The following DPP6 variants were observed in gnomAD, a reference collection of about 807,000 sequenced individuals.
The protein encoded by DPP6 is A-type potassium channel modulatory protein DPP6.
Under a neutral mutation model 122.6 loss-of-function variants are expected in DPP6, and 69 were observed. The ratio of observed to expected loss-of-function variants is 0.56; its 90% CI spans 0.46 to 0.69. The LOEUF (loss-of-function observed/expected upper bound fraction) is 0.69. Ranked by LOEUF, DPP6 falls within the 30% of genes least tolerant of loss-of-function variation. DPP6 has a pLI of 0.00. For missense variants in DPP6, 928 were observed against 1,116.9 expected (o/e 0.83, Z 2.41); for synonymous variants, 418 against 433.1 (o/e 0.97, Z 0.43).
chr7:154,163,890 G>A (rs1797103312), intron 1 of DPP6, among the ~76,000 whole-genome samples: 1 of 152,134 alleles, frequency 6.6e-6, no homozygotes, highest in Non-Finnish European at 1.5e-5. Context: ...CCTTCTTCCT[G>A]CCAGCTGTCC....
chr7:153,871,819 C>T, the DPP6 span, among the ~76,000 whole-genome samples: 1 of 152,162 alleles, frequency 6.6e-6, no homozygotes. Flanking sequence ...GTATTTTAGA[C>T]AGTTTAGAGA....
intron 5 of DPP6, among the ~76,000 whole-genome samples, chr7:154,568,564 T>C (rs1289439673): frequency 1.3e-5 from 2 of 152,194 alleles, no homozygotes; most frequent in Non-Finnish European, 2.9e-5. Flanking sequence ...GTTCTGTGCA[T>C]GATACAATTC....
At chr7:154,421,839 G>A (rs12333883) in intron 1 of DPP6, among the ~76,000 whole-genome samples, 6,964 of 152,266 alleles carry the variant, frequency 0.046, 532 homozygotes, top group African/African-American at 0.16. Flanking sequence ...CATGTGCCTG[G>A]TTTATTACAG....
chr7:153,825,053 T>A, the DPP6 span, among the ~76,000 whole-genome samples: 1 of 152,226 alleles, frequency 6.6e-6, no homozygotes, highest in Non-Finnish European at 1.5e-5. Context: ...CTGAGTAGCT[T>A]CGTTAGGCTT....
At chr7:153,825,705 G>GCA in the DPP6 span, among the ~76,000 whole-genome samples, 7 of 152,226 alleles carry the variant, frequency 4.6e-5, no homozygotes, top group Middle Eastern at 3.4e-3. Flanking sequence ...GATTACAAGT[G>GCA]CACACCACAA....
At chr7:154,634,820 G>T (rs1835640248) in intron 5 of DPP6, among the ~76,000 whole-genome samples, 1 of 152,092 alleles carries the variant, frequency 6.6e-6, no homozygotes, top group African/African-American at 2.4e-5. Context: ...AATTGCAGGG[G>T]TGTGTAGTGG....
intron 22 of DPP6, among the ~76,000 whole-genome samples, 198 bp from the exon 23 acceptor site, chr7:154,887,478 C>A (rs1219927989): frequency 6.6e-6 from 1 of 152,148 alleles, no homozygotes; most frequent in Non-Finnish European, 1.5e-5. Context: ...CCCGTTGTAC[C>A]GCCTGATGCC....
At chr7:154,103,887 C>T (rs910201137) in intron 1 of DPP6, among the ~76,000 whole-genome samples, 5 of 152,182 alleles carry the variant, frequency 3.3e-5, no homozygotes, top group Non-Finnish European at 7.3e-5. Flanking sequence ...AGCCTCTGGC[C>T]ACAGTCTGAA....
At chr7:154,745,107 C>T (rs1213497492) in intron 8 of DPP6, among the ~76,000 whole-genome samples, 1 of 152,212 alleles carries the variant, frequency 6.6e-6, no homozygotes, top group Non-Finnish European at 1.5e-5. Context: ...CAGTCTTGTT[C>T]TCTGGTCTGC....
intron 5 of DPP6, among the ~76,000 whole-genome samples, chr7:154,611,195 G>A (rs1833890353): frequency 6.6e-6 from 1 of 152,198 alleles, no homozygotes; most frequent in African/African-American, 2.4e-5. Context: ...ACAATGAACA[G>A]TTCTACCCTC....
At position 154,053,082 on chromosome 7, in the gene DPP6, CG is replaced by C. The variant is rs762366126; in HGVS notation, c.243+25del. ...GGAGGACGTAAGAGCTTCTCGGGGG[CG>C]GGGGGCGGCGGCGGGTTCTCCGGGC... On this transcript the variant is annotated intron_variant, in intron 1 of 25. Coordinates refer to ENST00000377770, the MANE Select transcript of DPP6 (RefSeq NM_130797.4). The C allele has an allele frequency of 8.7e-6, 9 of 1,034,216 alleles. No individual in the cohort carries two copies. Among genetic ancestry groups the C allele is most frequent in the Admixed American group, 5.8e-5 (1 of 17,208 alleles). The allele number at this position is 1,034,216 out of a possible 1,614,324, so 64.1% of individuals were successfully genotyped here.
chr7:154,358,688 T>C (rs890360777), intron 1 of DPP6, among the ~76,000 whole-genome samples: 1 of 152,124 alleles, frequency 6.6e-6, no homozygotes, highest in Non-Finnish European at 1.5e-5. Context: ...AATATTGATT[T>C]TACAGTTCAA....
At chr7:154,431,442 CTTT>C (rs1818363266) in intron 1 of DPP6, among the ~76,000 whole-genome samples, 2 of 121,746 alleles carry the variant, frequency 1.6e-5, no homozygotes, top group African/African-American at 5.8e-5. Context: ...TTTTTCTTTC[CTTT>C]CTTTTCTTTT....
chr7:154,377,816 G>T (rs961032667), intron 1 of DPP6, among the ~76,000 whole-genome samples: 3 of 152,156 alleles, frequency 2.0e-5, no homozygotes, highest in Admixed American at 1.3e-4. Context: ...AAAATGGGCT[G>T]ATACAATCAC....
chr7:154,426,630 A>G (rs902060030), intron 1 of DPP6, among the ~76,000 whole-genome samples: 4 of 152,124 alleles, frequency 2.6e-5, no homozygotes, highest in African/African-American at 9.7e-5. Context: ...TCGGTGAGAC[A>G]TAGCCTTAAT....
intron 1 of DPP6, among the ~76,000 whole-genome samples, chr7:154,265,202 G>A (rs1803341395): frequency 6.6e-6 from 1 of 151,966 alleles, no homozygotes; most frequent in African/African-American, 2.4e-5. Context: ...AGTGATGATG[G>A]TGTTAATGGT....
At chr7:154,290,591 G>A (rs58695750) in intron 1 of DPP6, among the ~76,000 whole-genome samples, 2,236 of 150,390 alleles carry the variant, frequency 0.015, 45 homozygotes, top group African/African-American at 0.052. Context: ...GCAGTGAGCC[G>A]AGATTGCACC....
chr7:153,882,403 T>C (rs1798780863), upstream of DPP6, among the ~76,000 whole-genome samples: 1 of 152,210 alleles, frequency 6.6e-6, no homozygotes, highest in Admixed American at 6.5e-5. Context: ...AGTTGCCTTA[T>C]GTTGGGGTTC....
chr7:153,958,939 CT>C (rs1440027940), intron 1 of DPP6, among the ~76,000 whole-genome samples: 1 of 152,010 alleles, frequency 6.6e-6, no homozygotes, highest in Admixed American at 6.6e-5. Context: ...CCCACACCCC[CT>C]GCTTGTAGTA....
Sources: allele counts gnomAD v4.1 joint callset (sites outside exome capture counted in the v4.1 genomes callset), GRCh38; gene constraint gnomAD v4.1.1; transcripts MANE v1.5; gene names NCBI Gene and HGNC (gene_info 2026-07-23, HGNC 2026-07-21).